The following RNF24 variants were observed in gnomAD, a reference collection of about 807,000 sequenced individuals.
RNF24 encodes ring finger protein 24.
RNF24 carries 14 observed loss-of-function variants against 20.0 expected under a neutral mutation model. The observed-to-expected ratio is 0.70, with a 90% CI of 0.46 to 1.10. The LOEUF is 1.10. Among genes scored for constraint, RNF24 ranks in the 50% least tolerant of loss-of-function variants. RNF24 has a pLI of 0.00. For missense variants in RNF24, 124 were observed against 177.6 expected (o/e 0.70, Z 1.71); for synonymous variants, 45 against 61.1 (o/e 0.74, Z 1.23).
intron 2 of RNF24, among the ~76,000 whole-genome samples, chr20:3,960,636 C>G (rs1406389276): frequency 6.6e-6 from 1 of 151,992 alleles, no homozygotes. Flanking sequence ...CCACTGCACT[C>G]CAGCCTGGTG....
Position 3,929,507 on chromosome 20 carries a change from C to T in RNF24, c.*4556G>A, listed in dbSNP as rs149255513. Reference sequence around the variant, plus strand: ...ACTTGCTCAGTAGCTAAGATGTCTGCCCCACAAAATAGAAGCCTTCAGTTG... The same window carrying T: ...ACTTGCTCAGTAGCTAAGATGTCTGTCCCACAAAATAGAAGCCTTCAGTTG... On this transcript the variant is annotated 3_prime_UTR_variant, in exon 6 of 6. Transcript: ENST00000358395. 537 of 152,434 alleles carry T rather than the reference C, an allele frequency of 3.5e-3. 2 individuals are homozygous for T. The highest frequency in any genetic ancestry group is 5.9e-3 in the Non-Finnish European group (403 of 68,092). The allele number at this position is 152,434 out of a possible 1,614,324, so 9.4% of individuals were successfully genotyped here. A position where few individuals can be genotyped will look rare whatever the true frequency, so the allele number is the denominator to read the frequency against.
At chr20:3,967,973 CAAA>C (rs58984163) in intron 1 of RNF24, among the ~76,000 whole-genome samples, 9 of 77,158 alleles carry the variant, frequency 1.2e-4, no homozygotes, top group Admixed American at 1.5e-4. Flanking sequence ...AGCCTGGCAA[CAAA>C]AAAAAAAAAA....
At chr20:3,990,883 T>TAA (rs935079978) in intron 1 of RNF24, among the ~76,000 whole-genome samples, 1 of 145,442 alleles carries the variant, frequency 6.9e-6, no homozygotes, top group South Asian at 2.2e-4. Flanking sequence ...CTCTAAAAAT[T>TAA]AAAAAAAAAA....
intron 1 of RNF24, among the ~76,000 whole-genome samples, chr20:3,977,035 T>C (rs1483074110): frequency 6.6e-6 from 1 of 152,164 alleles, no homozygotes; most frequent in Admixed American, 6.5e-5. Context: ...GCAACATCTA[T>C]ACAGGTCTGA....
chr20:3,935,255 C>G (rs2090876857), intron 4 of RNF24, among the ~76,000 whole-genome samples, 182 bp from the exon 5 acceptor site: 1 of 152,180 alleles, frequency 6.6e-6, no homozygotes, highest in Non-Finnish European at 1.5e-5. Flanking sequence ...ATGAATGTCT[C>G]CTGCTCTTCC....
intron 1 of RNF24, among the ~76,000 whole-genome samples, chr20:3,992,715 C>A (rs1193005905): frequency 6.6e-6 from 1 of 152,134 alleles, no homozygotes; most frequent in Non-Finnish European, 1.5e-5. Flanking sequence ...CCATTAATGA[C>A]TTTGGCTTTA....
chr20:3,950,552 CTT>C (rs1047617625), intron 2 of RNF24, among the ~76,000 whole-genome samples: 11 of 152,336 alleles, frequency 7.2e-5, no homozygotes, highest in Admixed American at 6.5e-4. Context: ...TTACATTGCT[CTT>C]GTTTTAAGTT....
At position 3,932,918 on chromosome 20, in the gene RNF24, G is replaced by T; in HGVS notation, c.*1145C>A. The T allele has an allele frequency of 2.5e-6, 1 of 398,546 alleles. No individual in the cohort carries two copies. Among genetic ancestry groups the T allele is most frequent in the African/African-American group, 2.1e-5 (1 of 48,734 alleles). The allele number at this position is 398,546 out of a possible 1,614,324, so 24.7% of individuals were successfully genotyped here. A position where few individuals can be genotyped will look rare whatever the true frequency, so the allele number is the denominator to read the frequency against. ...TAAAGACACTTTCACTTTCAGTTTC[G>T]GAAGTCCAAATACTGAGGCACACAC... On this transcript the variant is annotated 3_prime_UTR_variant, in exon 6 of 6. Transcript: ENST00000358395.
intron 1 of RNF24, among the ~76,000 whole-genome samples, chr20:3,989,344 A>G (rs1980208927): frequency 6.6e-6 from 1 of 152,040 alleles, no homozygotes; most frequent in African/African-American, 2.4e-5. Flanking sequence ...ACAAAAAATT[A>G]GCCAGGCGTG....
At chr20:3,941,353 T>C (rs781147501) in intron 4 of RNF24, among the ~76,000 whole-genome samples, 3 of 152,126 alleles carry the variant, frequency 2.0e-5, no homozygotes, top group Non-Finnish European at 2.9e-5. Flanking sequence ...CGTAATATGA[T>C]AGATATTGCA....
rs993525280 is a variant in RNF24 at position 3,928,943 on chromosome 20, G to T, written c.*5120C>A. ...GGCTCACTGCAACTTCTGTCTCCCGGGTTCAATCAATTCTCCTGTCCCAGC... is the reference window on the plus strand; with the variant it reads ...GGCTCACTGCAACTTCTGTCTCCCGTGTTCAATCAATTCTCCTGTCCCAGC... On this transcript the variant is annotated 3_prime_UTR_variant, in exon 6 of 6. Transcript: ENST00000358395. 6.6e-6 allele frequency: 1 copy of T among 151,616 alleles called. No individual in the cohort carries two copies. Among genetic ancestry groups the T allele is most frequent in the African/African-American group, 2.4e-5 (1 of 41,276 alleles). 9.4% of individuals were successfully genotyped at this position (151,616 alleles called of 1,614,324 possible).
intron 1 of RNF24, among the ~76,000 whole-genome samples, chr20:3,972,977 T>C (rs905516889): frequency 6.8e-6 from 1 of 146,722 alleles, no homozygotes; most frequent in African/African-American, 2.5e-5. Context: ...CCGAGGCGGG[T>C]GGATCACATG....
At chr20:3,960,395 C>T (rs187292544) in intron 2 of RNF24, among the ~76,000 whole-genome samples, 110 of 152,234 alleles carry the variant, frequency 7.2e-4, no homozygotes, top group African/African-American at 2.3e-3. Context: ...ATTGGCCAGG[C>T]GCGGTGGCTC....
intron 1 of RNF24, among the ~76,000 whole-genome samples, chr20:3,970,346 G>A (rs1487151546): frequency 5.3e-5 from 8 of 152,024 alleles, no homozygotes; most frequent in Non-Finnish European, 8.8e-5. Flanking sequence ...CACTGTCAGA[G>A]TGCTGTCAAA....
chr20:4,004,219 A>G (rs1051547829), intron 1 of RNF24, among the ~76,000 whole-genome samples: 1 of 152,200 alleles, frequency 6.6e-6, no homozygotes, highest in African/African-American at 2.4e-5. Context: ...ATGTACCTCA[A>G]GCAATACAAC....
In RNF24 at chr20:3,934,322, C is replaced by T. The variant is rs915061367; in HGVS notation, c.309-121G>A. On this transcript the variant is annotated intron_variant, in intron 5 of 5. Transcript: ENST00000358395. The surrounding 1 kb of genome is among the most constrained non-coding windows in gnomAD (Gnocchi z 4.0). ...TCTGCTGTATGGTCCAAGGAGCTCC[C>T]CTCCTAGGTGGTGAACGGATGTCAC... 1.5e-5 allele frequency: 14 copies of T among 960,966 alleles called. No homozygotes were observed. Among genetic ancestry groups the T allele is most frequent in the Middle Eastern group, 2.4e-4 (1 of 4,148 alleles). The allele number at this position is 960,966 out of a possible 1,614,324, so 59.5% of individuals were successfully genotyped here.
At position 3,934,658 on chromosome 20, in the gene RNF24, A is replaced by G. The variant is rs2090868811; in HGVS notation, c.308+336T>C. On this transcript the variant is annotated intron_variant, in intron 5 of 5. Transcript: ENST00000358395. The surrounding 1 kb of genome is among the most constrained non-coding windows in gnomAD (Gnocchi z 4.0). Reference sequence around the variant, plus strand: ...ATATCCAGACTTTATTTTGATTTTAAATAACTATGGTTTTGATTTAAATAA... The same window carrying G: ...ATATCCAGACTTTATTTTGATTTTAGATAACTATGGTTTTGATTTAAATAA... 6.6e-6 allele frequency among the ~76,000 whole-genome samples: 1 copy of G among 152,226 alleles called. No individual in the cohort carries two copies. Among genetic ancestry groups the G allele is most frequent in the Non-Finnish European group, 1.5e-5 (1 of 68,040 alleles).
chr20:3,930,080 G>T lies in RNF24; in HGVS notation c.*3983C>A. ...TACATGCATAAATGATCTCTGGAAG[G>T]ATACCCAAGGAACAAACCAATAGTA... On this transcript the variant is annotated 3_prime_UTR_variant, in exon 6 of 6. Transcript: ENST00000358395. The T allele has an allele frequency of 6.6e-6, 1 of 152,172 alleles. No individual in the cohort carries two copies. Among genetic ancestry groups the T allele is most frequent in the Non-Finnish European group, 1.5e-5 (1 of 68,042 alleles). 9.4% of individuals were successfully genotyped at this position (152,172 alleles called of 1,614,324 possible). A position where few individuals can be genotyped will look rare whatever the true frequency, so the allele number is the denominator to read the frequency against.
intron 2 of RNF24, 95 bp downstream of exon 2, chr20:3,963,780 T>A: frequency 9.3e-7 from 1 of 1,081,062 alleles, no homozygotes; most frequent in Non-Finnish European, 1.3e-6. Flanking sequence ...AATTTGCCAA[T>A]TATCATACTT....
Sources: allele counts gnomAD v4.1 joint callset (sites outside exome capture counted in the v4.1 genomes callset), GRCh38; gene constraint gnomAD v4.1.1; non-coding constraint Gnocchi (gnomAD v3.1); transcripts MANE v1.5; gene names NCBI Gene and HGNC (gene_info 2026-07-23, HGNC 2026-07-21).